Variants in IPO5 observed in about 807,000 individuals in gnomAD.
IPO5 encodes importin 5.
Under a neutral mutation model 143.3 loss-of-function variants are expected in IPO5, and 18 were observed. The observed-to-expected ratio is 0.13, with a 90% CI of 0.09 to 0.19. IPO5 has a LOEUF of 0.19. Ranked by LOEUF, IPO5 falls within the 10% of genes least tolerant of loss-of-function variation. The pLI is 1.00. For synonymous variants in IPO5, 477 were observed against 465.7 expected (o/e 1.02, Z -0.31); for missense variants, 1,013 against 1,336.9 (o/e 0.76, Z 3.78).
intron 4 of IPO5, among the ~76,000 whole-genome samples, chr13:97,978,269 T>C (rs1421944965): frequency 1.3e-5 from 2 of 152,228 alleles, no homozygotes. Flanking sequence ...TAATACTATT[T>C]ACACTATTTT....
At chr13:97,969,169 A>AT (rs1566454631) in intron 2 of IPO5, among the ~76,000 whole-genome samples, 10 of 72,298 alleles carry the variant, frequency 1.4e-4, no homozygotes, top group African/African-American at 6.6e-4. Context: ...ATATATATAT[A>AT]TATATATTTT....
intron 4 of IPO5, 132 bp from the exon 5 acceptor site, chr13:97,982,371 C>T (rs1227854333): frequency 4.8e-6 from 3 of 620,758 alleles, no homozygotes; most frequent in Non-Finnish European, 8.5e-6. Context: ...TATTTCATGT[C>T]ACAGAAGGTG....
intron 5 of IPO5, among the ~76,000 whole-genome samples, chr13:97,983,604 A>G (rs923932494): frequency 7.7e-5 from 10 of 129,700 alleles, no homozygotes; most frequent in Non-Finnish European, 3.1e-5. Flanking sequence ...GCCATTGAAT[A>G]TCTGTTTACT....
intron 4 of IPO5, among the ~76,000 whole-genome samples, chr13:97,980,151 T>G (rs1886716714): frequency 6.6e-6 from 1 of 152,214 alleles, no homozygotes; most frequent in Non-Finnish European, 1.5e-5. Context: ...GAAACAGTCT[T>G]TATAATTCTT....
At chr13:98,016,584 C>T (rs548463104) in intron 24 of IPO5, 145 bp from the exon 25 acceptor site, 16 of 441,054 alleles carry the variant, frequency 3.6e-5, no homozygotes, top group South Asian at 5.5e-5. Context: ...AGGGTTACTC[C>T]GGTCTCTAGA....
chr13:97,976,416 A>G (rs910553489), intron 3 of IPO5: 6 of 151,704 alleles, frequency 4.0e-5, no homozygotes, highest in African/African-American at 4.8e-5. Flanking sequence ...TGCGTGGCCA[A>G]TCAGCGCGGC....
At chr13:97,983,382 T>C (rs779568353) in intron 5 of IPO5, among the ~76,000 whole-genome samples, 37 of 152,310 alleles carry the variant, frequency 2.4e-4, no homozygotes, top group Non-Finnish European at 4.0e-4. Flanking sequence ...GAATATTTTA[T>C]TAGAATCATG....
chr13:97,988,444 A>G (rs1483880482), intron 6 of IPO5, among the ~76,000 whole-genome samples: 2 of 152,200 alleles, frequency 1.3e-5, no homozygotes, highest in African/African-American at 2.4e-5. Flanking sequence ...TCAATCAGAT[A>G]TTTGTACAGT....
At chr13:97,998,391 T>C (rs1888482077) in intron 12 of IPO5, among the ~76,000 whole-genome samples, 1 of 152,234 alleles carries the variant, frequency 6.6e-6, no homozygotes, top group African/African-American at 2.4e-5. Flanking sequence ...TTTTTTGTGA[T>C]AAATGCTTTT....
chr13:97,981,798 G>C (rs1886868039), intron 4 of IPO5, among the ~76,000 whole-genome samples: 1 of 152,102 alleles, frequency 6.6e-6, no homozygotes. Flanking sequence ...AATCTGTTCT[G>C]ATCATCTGTC....
chr13:97,985,438 C>A lies in IPO5; in HGVS notation c.189C>A (p.Ala63=). The change falls in exon 6 of 29, where the codon GCC becomes GCA. Residue 63 remains alanine, a synonymous_variant. Coordinates refer to ENST00000651721, the MANE Select transcript of IPO5 (RefSeq NM_002271.6). ...GTTTATAGGCTAGACAAATGGCCGC[C>A]GTTCTCCTAAGACGTCTCTTGTCCT... ...TAAEEARQMA[A]VLLRRLLSSA... is the part of the protein sequence containing the mutation. 1 of 1,613,976 alleles carries A rather than the reference C, an allele frequency of 6.2e-7. No individual in the cohort carries two copies. The highest frequency in any genetic ancestry group is 8.5e-7 in the Non-Finnish European group (1 of 1,179,884).
At chr13:98,005,725 G>C (rs1424886127) in intron 16 of IPO5, among the ~76,000 whole-genome samples, 1 of 152,048 alleles carries the variant, frequency 6.6e-6, no homozygotes, top group African/African-American at 2.4e-5. Flanking sequence ...GGGCCAAAGA[G>C]GGAATTTTCT....
At chr13:98,020,895 T>C (rs1890442293) in intron 27 of IPO5, 97 bp from the exon 28 acceptor site, 3 of 945,048 alleles carry the variant, frequency 3.2e-6, no homozygotes, top group Non-Finnish European at 4.9e-6. Flanking sequence ...GCTGGTTTTC[T>C]TCCTACTGAA....
chr13:97,958,168 C>G (rs1040052816), intron 2 of IPO5, among the ~76,000 whole-genome samples: 4 of 152,172 alleles, frequency 2.6e-5, no homozygotes, highest in African/African-American at 9.6e-5. Flanking sequence ...TCTCTTCTCT[C>G]TTCCCAACCT....
intron 3 of IPO5, among the ~76,000 whole-genome samples, chr13:97,974,054 C>A (rs1886053638): frequency 6.6e-6 from 1 of 152,156 alleles, no homozygotes; most frequent in South Asian, 2.1e-4. Context: ...CAGAGTGAGA[C>A]TCTGTCTCAA....
intron 20 of IPO5, among the ~76,000 whole-genome samples, chr13:98,010,979 C>G (rs1000618565): frequency 5.9e-5 from 9 of 151,628 alleles, no homozygotes; most frequent in Non-Finnish European, 1.3e-4. Flanking sequence ...TGAGGTTTCA[C>G]CATTTTGGCC....
chr13:97,996,844 A>C lies in IPO5; in HGVS notation c.914-687A>C, dbSNP rs190101704. ...TCTGACCTCGTGATCCGCCTGCCTC[A>C]GCCTCCCAAAGTGCTGGGATTACAG... On this transcript the variant is annotated intron_variant, in intron 11 of 28. Coordinates refer to ENST00000651721, the MANE Select transcript of IPO5 (RefSeq NM_002271.6). Among the ~76,000 whole-genome samples the C allele has an allele frequency of 5.7e-4, 87 of 152,254 alleles. 1 individual carries two copies. The highest frequency in any genetic ancestry group is 2.1e-3 in the African/African-American group (87 of 41,554).
chr13:97,960,635 T>C (rs759674448), intron 2 of IPO5, among the ~76,000 whole-genome samples: 7 of 151,532 alleles, frequency 4.6e-5, no homozygotes, highest in Non-Finnish European at 7.4e-5. Context: ...CTCGGCTCAC[T>C]GCAACCTCCA....
At chr13:97,985,319 A>G (rs918184184) in intron 5 of IPO5, 102 bp from the exon 6 acceptor site, 1 of 859,982 alleles carries the variant, frequency 1.2e-6, no homozygotes, top group Non-Finnish European at 1.8e-6. Flanking sequence ...TTATATATTT[A>G]CTTCTTTAGA....
Sources: allele counts gnomAD v4.1 joint callset (sites outside exome capture counted in the v4.1 genomes callset), GRCh38; gene constraint gnomAD v4.1.1; transcripts MANE v1.5; gene names NCBI Gene and HGNC (gene_info 2026-07-23, HGNC 2026-07-21).